MIB2: variants seen among roughly 807,000 people sequenced by gnomAD.
MIB2 encodes the protein E3 ubiquitin-protein ligase MIB2.
Under a neutral mutation model 96.6 loss-of-function variants are expected in MIB2, and 78 were observed. The ratio of observed to expected loss-of-function variants is 0.81; its 90% CI spans 0.67 to 0.97. The LOEUF (loss-of-function observed/expected upper bound fraction) is 0.97. Ranked by LOEUF, MIB2 falls within the 50% of genes least tolerant of loss-of-function variation. The pLI is 0.00. For synonymous variants in MIB2, 820 were observed against 629.5 expected (o/e 1.30, Z -4.53); for missense variants, 1,543 against 1,424.0 (o/e 1.08, Z -1.35).
At position 1,628,075 on chromosome 1, in the gene MIB2, C is replaced by T. The variant is rs1245420050; in HGVS notation, c.1737C>T (p.Ser579=). ...HSAISAGTGA[S]GIVEVLTEVP... is the part of the protein sequence containing the mutation. ...CCATCTCGGCGGGCACTGGAGCCAG[C>T]GGCATTGTCGAGGTCCTCACGGAGG... The change falls in exon 14 of 20, where the codon AGC becomes AGT. Residue 579 remains serine (S), a synonymous_variant. Transcript: ENST00000355826. The T allele has an allele frequency of 9.9e-6, 16 of 1,613,078 alleles. No individual in the cohort carries two copies. The highest frequency in any genetic ancestry group is 1.4e-5 in the Non-Finnish European group (16 of 1,179,998).
At chr1:1,615,317 T>A (rs971259842), upstream of MIB2, 12 of 1,382,606 alleles carry the variant, frequency 8.7e-6, no homozygotes, top group South Asian at 1.3e-4. Context: ...ACCGAGTGCG[T>A]CTCTAGGACC....
intron 1 of MIB2, 133 bp downstream of exon 1, chr1:1,615,766 G>C (rs966817350): frequency 7.1e-7 from 1 of 1,411,726 alleles, no homozygotes; most frequent in African/African-American, 1.5e-5. Context: ...ACTCGGCGTA[G>C]GGTCCGCACG....
chr1:1,615,015 CA>C (rs70937160), upstream of MIB2: 130,473 of 147,134 alleles, frequency 0.89, 57,906 homozygotes, highest in Non-Finnish European at 0.94. Context: ...GCTCCGTCTC[CA>C]AAAAAAAAAA....
rs1475546714 is a variant in MIB2 at position 1,623,674 on chromosome 1, G to A, written c.222G>A (p.Leu74=). The change falls in exon 3 of 20, where the codon CTG becomes CTA. Residue 74 remains leucine (L), a synonymous_variant. Coordinates refer to ENST00000355826, the MANE Select transcript of MIB2 (RefSeq NM_001170687.4). ...CCGGCTACCAGGGCGCGCACGACCT[G>A]CTGCTGTACGACAACGCCCAGATCG... ...YRAGYQGAHD[L]LLYDNAQIGV... The A allele has an allele frequency of 2.7e-6, 4 of 1,491,338 alleles. No homozygotes were observed. The South Asian group carries it at 4.0e-5, about 15-fold the overall frequency. 92.4% of individuals were successfully genotyped at this position (1,491,338 alleles called of 1,614,324 possible). A position where few individuals can be genotyped will look rare whatever the true frequency, so the allele number is the denominator to read the frequency against.
Position 1,626,482 on chromosome 1 carries a change from G to A in MIB2, c.973-168G>A, listed in dbSNP as rs911813037. On this transcript the variant is annotated intron_variant, in intron 8 of 19. Transcript: ENST00000355826. This position sits in a 1 kb window ranked among gnomAD's most constrained non-coding sequence, Gnocchi z 5.3. ...CACCCAGGGCTGCCTTGGACACCTG[G>A]GGCTCTCGTCCAGCCAGAGCCTCTG... 1 of 607,140 alleles carries A rather than the reference G, an allele frequency of 1.6e-6. No homozygotes were observed. The highest frequency in any genetic ancestry group is 2.9e-6 in the Non-Finnish European group (1 of 348,952). 37.6% of individuals were successfully genotyped at this position (607,140 alleles called of 1,614,324 possible).
chr1:1,623,292 C>G, intron 2 of MIB2, 139 bp from the exon 3 acceptor site: 4 of 1,398,274 alleles, frequency 2.9e-6, no homozygotes, highest in Middle Eastern at 2.6e-4. Context: ...AGGGCTTGAA[C>G]CAGCCTGCCT....
Position 1,630,384 on chromosome 1 carries a change from C to T in MIB2, c.2722C>T (p.Arg908Cys), listed in dbSNP as rs1190684981. 1.3e-6 allele frequency: 2 copies of T among 1,557,054 alleles called. No homozygotes were observed. Among genetic ancestry groups the T allele is most frequent in the East Asian group, 2.4e-5 (1 of 41,024 alleles). Residue 908 changes from arginine to cysteine, a missense_variant, in exon 20 of 20, where the codon CGC becomes TGC. Transcript: ENST00000355826. ...GAGCCGCTACCGGCAGATGGAGGAA[C>T]GCATCACCTGCCCCATCTGCATCGA... ...LQSRYRQMEE[R>C]ITCPICIDSH...
At chr1:1,621,020 G>A (rs1047794508) in intron 2 of MIB2, among the ~76,000 whole-genome samples, 15 of 152,262 alleles carry the variant, frequency 9.9e-5, no homozygotes, top group Admixed American at 5.2e-4. Context: ...GGCCTGTGCT[G>A]GGCGGGTCCT....
Position 1,629,216 on chromosome 1 carries a change from C to T in MIB2, c.2286C>T (p.Asp762=). The T allele has an allele frequency of 1.3e-6, 2 of 1,536,966 alleles. No individual in the cohort carries two copies. Among genetic ancestry groups the T allele is most frequent in the Middle Eastern group, 1.8e-4 (1 of 5,690 alleles). ...VACFLALEGA[D]VSYTNHRGRS... ...GCTTCCTGGCGCTGGAGGGCGCCGA[C>T]GTGAGCTACACCAACCACCGCGGTC... The change falls in exon 17 of 20, where the codon GAC becomes GAT. Residue 762 remains aspartate (D), a synonymous_variant. Coordinates refer to ENST00000355826, the MANE Select transcript of MIB2 (RefSeq NM_001170687.4).
upstream of MIB2, chr1:1,615,468 G>A (rs952078709): frequency 7.0e-5 from 107 of 1,518,780 alleles, no homozygotes; most frequent in East Asian, 1.8e-3. Context: ...CCATGGCGGG[G>A]GCGCTCCGGC....
At position 1,622,888 on chromosome 1, in the gene MIB2, G is replaced by A. The variant is rs1056582627; in HGVS notation, c.-22-543G>A. On this transcript the variant is annotated intron_variant, in intron 2 of 19. Coordinates refer to ENST00000355826, the MANE Select transcript of MIB2 (RefSeq NM_001170687.4). ...TGGCCGATGCCTGCTGGTCTTGTACGGCGCCTGCATCGTGTTTGCCGTTTT... is the reference window on the plus strand; with the variant it reads ...TGGCCGATGCCTGCTGGTCTTGTACAGCGCCTGCATCGTGTTTGCCGTTTT... 7.9e-5 allele frequency among the ~76,000 whole-genome samples: 12 copies of A among 152,198 alleles called. 1 individual carries two copies. The highest frequency in any genetic ancestry group is 1.9e-4 in the African/African-American group (8 of 41,440).
intron 1 of MIB2, chr1:1,616,061 C>G (rs951107066): frequency 1.3e-4 from 127 of 984,062 alleles, no homozygotes; most frequent in Non-Finnish European, 1.5e-4. Context: ...CCGAGCGGAG[C>G]GGGCGGGACG....
intron 4 of MIB2, 31 bp from the exon 5 acceptor site, chr1:1,624,764 C>T (rs1421360346): frequency 1.9e-6 from 3 of 1,596,204 alleles, no homozygotes; most frequent in Non-Finnish European, 2.6e-6. Flanking sequence ...CGGTTTTCTT[C>T]TGAGAGCTTT....
chr1:1,624,008 G>C (rs1644506718), intron 4 of MIB2, 63 bp downstream of exon 4: 2 of 1,527,032 alleles, frequency 1.3e-6, no homozygotes, highest in South Asian at 2.5e-5. Context: ...CTGGGGCCTT[G>C]GCCTTCGGGG....
chr1:1,614,874 G>C (rs1380059608), upstream of MIB2: 1 of 152,678 alleles, frequency 6.5e-6, no homozygotes, highest in Non-Finnish European at 1.5e-5. Context: ...AATTAGCTGT[G>C]CGTGGTAGCG....
In MIB2 at chr1:1,626,548, G is replaced by T. The variant is rs1212127475; in HGVS notation, c.973-102G>T. On this transcript the variant is annotated intron_variant, in intron 8 of 19. Transcript: ENST00000355826. The surrounding 1 kb of genome is among the most constrained non-coding windows in gnomAD (Gnocchi z 5.3). ...GGGGTCGGGGCCGGGGCCGAGTCAG[G>T]CCTGCCTGTCTCGTGGAGCTCAGCA... is the stretch of plus-strand genomic sequence containing the variant. 10 of 1,048,316 alleles carry T rather than the reference G, an allele frequency of 9.5e-6. No individual in the cohort carries two copies. The highest frequency in any genetic ancestry group is 1.4e-5 in the Non-Finnish European group (10 of 739,702). 64.9% of individuals were successfully genotyped at this position (1,048,316 alleles called of 1,614,324 possible).
chr1:1,616,744 A>T, intron 2 of MIB2, 130 bp downstream of exon 2: 1 of 696,374 alleles, frequency 1.4e-6, no homozygotes, highest in Non-Finnish European at 2.4e-6. Flanking sequence ...AGTGGTGAGT[A>T]ATCCCGCGTC....
intron 2 of MIB2, 115 bp from the exon 3 acceptor site, chr1:1,623,316 T>C (rs1210782204): frequency 3.4e-6 from 5 of 1,466,070 alleles, no homozygotes; most frequent in East Asian, 2.6e-5. Flanking sequence ...CCGTTGGGCC[T>C]CTCTGCTCTC....
chr1:1,625,410 G>A lies in MIB2; in HGVS notation c.846G>A (p.Trp282Ter). 6.3e-7 allele frequency: 1 copy of A among 1,576,748 alleles called. No individual in the cohort carries two copies. The highest frequency in any genetic ancestry group is 8.6e-7 in the Non-Finnish European group (1 of 1,163,372). Residue 282 changes from tryptophan to a stop codon, truncating the protein, a stop_gained, in exon 7 of 20, where the codon TGG (tryptophan) becomes TGA (stop). Transcript: ENST00000355826. LOFTEE classifies it high-confidence loss of function. This position sits in a 1 kb window ranked among gnomAD's most constrained non-coding sequence, Gnocchi z 5.0. ...LREMQEGHGG[W>*]NPRMAEFIGQ... ...AGATGCAGGAAGGCCACGGCGGCTG[G>A]AACCCCAGGATGGCGGAGGTGAGCC...
Sources: gnomAD v4.1 joint callset for allele counts (sites outside exome capture counted in the v4.1 genomes callset) on GRCh38, gnomAD v4.1.1 for gene constraint, Gnocchi (gnomAD v3.1) non-coding constraint, MANE v1.5 for transcripts, NCBI Gene and HGNC (gene_info 2026-07-23, HGNC 2026-07-21) for gene names.